The following MMP16 variants were observed in gnomAD, a reference collection of about 807,000 sequenced individuals.
MMP16 encodes matrix metallopeptidase 16, also known as matrix metalloproteinase-16.
MMP16 carries 12 observed loss-of-function variants against 67.8 expected under a neutral mutation model. That is an observed-to-expected ratio of 0.18 (90% CI 0.11 to 0.29). The LOEUF is 0.29. Among genes scored for constraint, MMP16 ranks in the 10% least tolerant of loss-of-function variants. The pLI, the probability that MMP16 is intolerant of heterozygous loss-of-function variation, is 1.00. For synonymous variants in MMP16, 249 were observed against 255.9 expected (o/e 0.97, Z 0.26); for missense variants, 475 against 765.7 (o/e 0.62, Z 4.48).
rs1026774368 is a variant in MMP16 at position 88,165,214 on chromosome 8, A to T, written c.709+2455T>A. The stretch of plus-strand genomic sequence containing the variant: ...AAAAAAAAAAAGAAAGAAAGAAAAA[A>T]CCCAGCTAATAAAGTGTATAGCTAA... On this transcript the variant is annotated intron_variant, in intron 4 of 9. Coordinates refer to ENST00000286614, the MANE Select transcript of MMP16 (RefSeq NM_005941.5). Among the ~76,000 whole-genome samples the T allele has an allele frequency of 2.0e-5, 3 of 150,612 alleles. No homozygotes were observed. In the East Asian group the frequency reaches 5.8e-4, roughly 29 times the overall value.
intron 3 of MMP16, among the ~76,000 whole-genome samples, chr8:88,179,635 AT>A (rs1808947299): frequency 6.6e-6 from 1 of 152,214 alleles, no homozygotes; most frequent in African/African-American, 2.4e-5. Flanking sequence ...TTGGGTTATT[AT>A]AGCACATGGA....
chr8:88,237,681 C>CAAA (rs77461112), intron 1 of MMP16, among the ~76,000 whole-genome samples: 124 of 151,282 alleles, frequency 8.2e-4, no homozygotes, highest in African/African-American at 2.6e-3. Context: ...ACAACAACAA[C>CAAA]AAAAAACAAC....
intron 6 of MMP16, among the ~76,000 whole-genome samples, chr8:88,078,897 T>C (rs940435105): frequency 6.6e-6 from 1 of 152,144 alleles, no homozygotes; most frequent in Non-Finnish European, 1.5e-5. Context: ...CTATCTAGTC[T>C]TCCTCCTTTC....
At chr8:88,305,410 G>A (rs553848013) in intron 1 of MMP16, among the ~76,000 whole-genome samples, 2 of 152,176 alleles carry the variant, frequency 1.3e-5, no homozygotes, top group East Asian at 3.9e-4. Context: ...AAGATATTCG[G>A]GACTTGAACT....
At chr8:88,310,007 G>C (rs963024033) in intron 1 of MMP16, among the ~76,000 whole-genome samples, 1 of 152,086 alleles carries the variant, frequency 6.6e-6, no homozygotes, top group African/African-American at 2.4e-5. Context: ...AAGAGGGATG[G>C]AAATCAGTTA....
chr8:88,154,869 C>CAA (rs1315350398), intron 4 of MMP16, among the ~76,000 whole-genome samples: 738 of 89,518 alleles, frequency 8.2e-3, no homozygotes, highest in African/African-American at 0.028. Flanking sequence ...AAGTATAATA[C>CAA]AAAAAAAAAA....
At chr8:88,161,418 G>A (rs1459747046) in intron 4 of MMP16, among the ~76,000 whole-genome samples, 2 of 151,864 alleles carry the variant, frequency 1.3e-5, no homozygotes, top group South Asian at 2.1e-4. Context: ...TTTTTATTGC[G>A]TCTATTTGAT....
chr8:88,183,886 TTATTTATTTATTTAG>T (rs770401686), intron 3 of MMP16, among the ~76,000 whole-genome samples: 13 of 151,250 alleles, frequency 8.6e-5, no homozygotes, highest in African/African-American at 1.2e-4. Context: ...GAGCTAATTT[TTATTTATTTATTTAG>T]TATTTATTTA....
In MMP16 at chr8:88,041,287, TGAGTG is replaced by T. The variant is rs1808129345; in HGVS notation, c.*169_*173del. The T allele has an allele frequency of 1.6e-6, 1 of 614,670 alleles. No individual in the cohort carries two copies. The highest frequency in any genetic ancestry group is 2.9e-6 in the Non-Finnish European group (1 of 347,128). 38.1% of individuals were successfully genotyped at this position (614,670 alleles called of 1,614,324 possible). On this transcript the variant is annotated 3_prime_UTR_variant, in exon 10 of 10. Transcript: ENST00000286614. This position sits in a 1 kb window ranked among gnomAD's most constrained non-coding sequence, Gnocchi z 6.0. ...ACTGTGCATCATGGAAGCTTCCCCA[TGAGTG>T]TATTTCCACTCATGTGCAGGACCAG...
At chr8:88,184,375 T>C (rs1307525547) in intron 3 of MMP16, among the ~76,000 whole-genome samples, 1 of 151,832 alleles carries the variant, frequency 6.6e-6, no homozygotes, top group Non-Finnish European at 1.5e-5. Context: ...CTTTCTATTC[T>C]GCCATGTGAC....
intron 4 of MMP16, among the ~76,000 whole-genome samples, chr8:88,122,909 C>G (rs976101073): frequency 6.6e-6 from 1 of 151,422 alleles, no homozygotes; most frequent in Non-Finnish European, 1.5e-5. Flanking sequence ...CTCCCCTCCT[C>G]CCCCCACCCC....
At chr8:88,322,101 A>C (rs1442433225) in intron 1 of MMP16, among the ~76,000 whole-genome samples, 1 of 152,138 alleles carries the variant, frequency 6.6e-6, no homozygotes, top group Non-Finnish European at 1.5e-5. Flanking sequence ...AGCTGGCTTA[A>C]GTTTCTTATT....
At chr8:88,128,533 C>G (rs1235902813) in intron 4 of MMP16, among the ~76,000 whole-genome samples, 4 of 151,692 alleles carry the variant, frequency 2.6e-5, no homozygotes, top group Admixed American at 6.6e-5. Flanking sequence ...TTCTTTGTTA[C>G]TTTCAGATGT....
At chr8:88,296,044 G>T (rs1471900528) in intron 1 of MMP16, among the ~76,000 whole-genome samples, 1 of 151,908 alleles carries the variant, frequency 6.6e-6, no homozygotes, top group Non-Finnish European at 1.5e-5. Context: ...TACTAACTGA[G>T]ACTAGTCCAA....
chr8:88,093,775 T>C (rs1440878822), intron 6 of MMP16, among the ~76,000 whole-genome samples: 1 of 151,886 alleles, frequency 6.6e-6, no homozygotes, highest in African/African-American at 2.4e-5. Flanking sequence ...GCTGACATGT[T>C]ATACCCTGTT....
intron 1 of MMP16, among the ~76,000 whole-genome samples, chr8:88,292,136 G>A (rs952722219): frequency 6.6e-6 from 1 of 152,116 alleles, no homozygotes; most frequent in Admixed American, 6.5e-5. Flanking sequence ...TATTAAAAAA[G>A]AACTATTCTA....
intron 1 of MMP16, among the ~76,000 whole-genome samples, chr8:88,301,840 C>T (rs142382104): frequency 1.7e-4 from 26 of 152,274 alleles, no homozygotes; most frequent in African/African-American, 6.0e-4. Context: ...TCAGGAAATA[C>T]GTTAATGAAT....
intron 1 of MMP16, among the ~76,000 whole-genome samples, chr8:88,222,942 C>G (rs1415908397): frequency 6.6e-6 from 1 of 152,092 alleles, no homozygotes. Context: ...TTGCAATCCA[C>G]CCATCTGACA....
rs140003176 is a variant in MMP16 at position 88,189,174 on chromosome 8, G to C, written c.282-2576C>G. On this transcript the variant is annotated intron_variant, in intron 2 of 9. Coordinates refer to ENST00000286614, the MANE Select transcript of MMP16 (RefSeq NM_005941.5). ...GATATATAAAAGAAAGTATGGATTA[G>C]AAGATGAAGAAAAAAAGAGCCCCTT... is the stretch of plus-strand genomic sequence containing the variant. 4.1e-3 allele frequency among the ~76,000 whole-genome samples: 621 copies of C among 152,176 alleles called. 5 individuals are homozygous for C. The highest frequency in any genetic ancestry group is 0.014 in the African/African-American group (598 of 41,532).
Sources: allele counts gnomAD v4.1 joint callset (sites outside exome capture counted in the v4.1 genomes callset), GRCh38; gene constraint gnomAD v4.1.1; non-coding constraint Gnocchi (gnomAD v3.1); transcripts MANE v1.5; gene names NCBI Gene and HGNC (gene_info 2026-07-23, HGNC 2026-07-21).